CYP2C19: variants seen among roughly 807,000 people sequenced by gnomAD.
CYP2C19 encodes cytochrome P450 family 2 subfamily C member 19.
In CYP2C19, 59 loss-of-function variants were observed where a neutral mutation model predicts 40.9. The ratio of observed to expected loss-of-function variants is 1.44; its 90% CI spans 1.17 to 1.79. The LOEUF (loss-of-function observed/expected upper bound fraction) is 1.79, where lower values mean the gene tolerates loss of function less well. CYP2C19 is among the 40% of genes most tolerant of loss of function. CYP2C19 has a pLI of 0.00. For synonymous variants in CYP2C19, 253 were observed against 208.7 expected, an observed-to-expected ratio of 1.21 and a Z score of -1.83; for missense variants, 754 against 596.9, an observed-to-expected ratio of 1.26 and a Z score of -2.74.
intron 7 of CYP2C19, among the ~76,000 whole-genome samples, chr10:94,849,028 G>A (rs969438308): frequency 1.3e-5 from 2 of 152,136 alleles, no homozygotes; most frequent in Non-Finnish European, 2.9e-5. Flanking sequence ...TGCAAACAGG[G>A]ACAATTAGAC....
chr10:94,790,124 CT>C (rs202060631), intron 5 of CYP2C19, among the ~76,000 whole-genome samples: 10,363 of 152,122 alleles, frequency 0.068, 399 homozygotes, highest in South Asian at 0.12. Context: ...TGGGAGTTCA[CT>C]CATGATTTGG....
At position 94,826,891 on chromosome 10, in the gene CYP2C19, G is replaced by A. The variant is rs1297054815; in HGVS notation, c.961+6254G>A. On this transcript the variant is annotated intron_variant, in intron 6 of 8. Transcript: ENST00000371321. The stretch of plus-strand genomic sequence containing the variant: ...GAAGGGCTGTTGAATTTTGTCAAAG[G>A]CCTTTTCTGCATGTAGTATTGAGAT... Among the ~76,000 whole-genome samples the A allele has an allele frequency of 2.6e-5, 4 of 152,032 alleles. No individual in the cohort carries two copies. The East Asian group carries it at 7.7e-4, about 29-fold the overall frequency.
Position 94,794,643 on chromosome 10 carries a change from G to A in CYP2C19, c.819+12646G>A, listed in dbSNP as rs547684219. Among the ~76,000 whole-genome samples, 9 of 152,058 alleles carry A rather than the reference G, an allele frequency of 5.9e-5. No homozygotes were observed. In the South Asian group the frequency reaches 1.2e-3, roughly 21 times the overall value. On this transcript the variant is annotated intron_variant, in intron 5 of 8. Transcript: ENST00000371321. ...CATCTCTTGTATGTTGGATTCCTAG[G>A]TATTTTATTCTATTTATAACAATTT...
In CYP2C19 at chr10:94,849,774, A is replaced by T. The variant is rs17883850; in HGVS notation, c.1150-143A>T. The T allele has an allele frequency of 7.9e-4, 804 of 1,016,054 alleles. 4 individuals are homozygous for T. In the African/African-American group the frequency reaches 0.012, roughly 15 times the overall value. 62.9% of individuals were successfully genotyped at this position (1,016,054 alleles called of 1,614,324 possible). On this transcript the variant is annotated intron_variant, in intron 7 of 8. Transcript: ENST00000371321. ...GCTCATGCCTCTTATTACTTCGTCTATCTGTCTGGAAATGGTACTGCTCTT... is the reference window on the plus strand; with the variant it reads ...GCTCATGCCTCTTATTACTTCGTCTTTCTGTCTGGAAATGGTACTGCTCTT...
intron 5 of CYP2C19, among the ~76,000 whole-genome samples, chr10:94,815,830 T>A (rs921903693): frequency 6.6e-6 from 1 of 152,210 alleles, no homozygotes; most frequent in Non-Finnish European, 1.5e-5. Flanking sequence ...TCTGTTTTTA[T>A]ACAATTTCAA....
At chr10:94,842,204 A>G (rs1428122671) in intron 6 of CYP2C19, among the ~76,000 whole-genome samples, 1 of 152,014 alleles carries the variant, frequency 6.6e-6, no homozygotes, top group African/African-American at 2.4e-5. Context: ...AAATTGTTCC[A>G]TCCTCTTGCC....
chr10:94,851,832 C>T (rs376792993), intron 8 of CYP2C19, among the ~76,000 whole-genome samples: 1 of 152,106 alleles, frequency 6.6e-6, no homozygotes, highest in East Asian at 1.9e-4. Context: ...TAATGTTGCA[C>T]TGGGTATTAT....
intron 5 of CYP2C19, among the ~76,000 whole-genome samples, chr10:94,807,536 G>A (rs754831338): frequency 1.2e-4 from 18 of 151,862 alleles, no homozygotes; most frequent in Non-Finnish European, 2.4e-4. Context: ...CTTTCTCTGC[G>A]TCCTCACCAG....
At position 94,797,027 on chromosome 10, in the gene CYP2C19, C is replaced by T. The variant is rs551320091; in HGVS notation, c.819+15030C>T. 4.2e-4 allele frequency among the ~76,000 whole-genome samples: 64 copies of T among 152,034 alleles called. 1 individual carries two copies. The South Asian group carries it at 0.011, about 25-fold the overall frequency. ...GCCCCGGCGAGAACTTCCAACACTG[C>T]GTTGAATAGGAGTGGTGAGAGAGGG... On this transcript the variant is annotated intron_variant, in intron 5 of 8. Transcript: ENST00000371321.
At chr10:94,848,895 T>A (rs1849611953) in intron 7 of CYP2C19, among the ~76,000 whole-genome samples, 1 of 152,216 alleles carries the variant, frequency 6.6e-6, no homozygotes, top group Admixed American at 6.5e-5. Flanking sequence ...TATTGGTGTA[T>A]AAGAATGCTT....
chr10:94,849,520 G>A (rs535907438), intron 7 of CYP2C19, among the ~76,000 whole-genome samples: 1 of 151,610 alleles, frequency 6.6e-6, no homozygotes, highest in African/African-American at 2.4e-5. Context: ...TAGGGTACAT[G>A]TGCACAATGT....
intron 5 of CYP2C19, among the ~76,000 whole-genome samples, chr10:94,792,892 T>A (rs1408967346): frequency 6.6e-6 from 1 of 152,200 alleles, no homozygotes; most frequent in Non-Finnish European, 1.5e-5. Flanking sequence ...TGAATGTGAA[T>A]GTTGGCCTCT....
At chr10:94,770,769 C>A (rs1445684886) in intron 1 of CYP2C19, among the ~76,000 whole-genome samples, 1 of 152,104 alleles carries the variant, frequency 6.6e-6, no homozygotes, top group African/African-American at 2.4e-5. Flanking sequence ...AATTCATGGG[C>A]TTTTTCCTAA....
At chr10:94,834,910 G>A (rs1393732843) in intron 6 of CYP2C19, among the ~76,000 whole-genome samples, 2 of 152,122 alleles carry the variant, frequency 1.3e-5, no homozygotes, top group Non-Finnish European at 2.9e-5. Context: ...ATCTCAACAT[G>A]AAAACCCAAG....
intron 6 of CYP2C19, among the ~76,000 whole-genome samples, chr10:94,832,883 C>T (rs1482229644): frequency 1.3e-5 from 2 of 151,964 alleles, no homozygotes; most frequent in East Asian, 1.9e-4. Flanking sequence ...TTGATTTTTC[C>T]AATCCATGAA....
chr10:94,839,947 G>T (rs115145208), intron 6 of CYP2C19, among the ~76,000 whole-genome samples: 1 of 152,104 alleles, frequency 6.6e-6, no homozygotes, highest in Non-Finnish European at 1.5e-5. Flanking sequence ...AGCCCCATAC[G>T]TTAAGATTTT....
At chr10:94,827,087 C>T (rs1431519151) in intron 6 of CYP2C19, among the ~76,000 whole-genome samples, 1 of 151,914 alleles carries the variant, frequency 6.6e-6, no homozygotes, top group African/African-American at 2.4e-5. Flanking sequence ...AGGATTTTTG[C>T]ATGAATGTTC....
At chr10:94,774,108 T>C (rs571755573) in intron 1 of CYP2C19, 5 of 152,224 alleles carry the variant, frequency 3.3e-5, no homozygotes, top group African/African-American at 1.2e-4. Context: ...AGAGAAAAGT[T>C]CTCCAAGTCC....
chr10:94,834,844 G>A (rs535523939), intron 6 of CYP2C19, among the ~76,000 whole-genome samples: 24 of 152,264 alleles, frequency 1.6e-4, no homozygotes, highest in South Asian at 4.1e-4. Context: ...TCCCAGGTAG[G>A]CTTAGGGATT....
Sources: allele counts gnomAD v4.1 joint callset (sites outside exome capture counted in the v4.1 genomes callset), GRCh38; gene constraint gnomAD v4.1.1; transcripts MANE v1.5; gene names NCBI Gene and HGNC (gene_info 2026-07-23, HGNC 2026-07-21).